STRN: variants seen among roughly 807,000 people sequenced by gnomAD.
STRN encodes protein phosphatase 2 regulatory subunit B'''alpha.
Under a neutral mutation model 96.3 loss-of-function variants are expected in STRN, and 53 were observed. The ratio of observed to expected loss-of-function variants is 0.55; its 90% CI spans 0.44 to 0.69. STRN has a LOEUF of 0.69. STRN is among the 30% of genes least tolerant of loss of function. The pLI is 0.00. For synonymous variants in STRN, 428 were observed against 355.9 expected (o/e 1.20, Z -2.28); for missense variants, 987 against 963.9 (o/e 1.02, Z -0.32).
chr2:36,936,720 TTA>T (rs1452091450), intron 1 of STRN, among the ~76,000 whole-genome samples: 2 of 152,204 alleles, frequency 1.3e-5, no homozygotes, highest in Admixed American at 6.5e-5. Context: ...AGAGAAAATC[TTA>T]TGAGTCAGCA....
Position 36,924,946 on chromosome 2 carries a change from C to T in STRN, c.338+159G>A, listed in dbSNP as rs180742251. Reference sequence around the variant, plus strand: ...TGGCACATGCCTATAATCCCAGCTACTGGGGAGGCTGAGGCAGGAGAATTG... The same window carrying T: ...TGGCACATGCCTATAATCCCAGCTATTGGGGAGGCTGAGGCAGGAGAATTG... On this transcript the variant is annotated intron_variant, in intron 2 of 17. Coordinates refer to ENST00000263918, the MANE Select transcript of STRN (RefSeq NM_003162.4). 3.3e-5 allele frequency among the ~76,000 whole-genome samples: 5 copies of T among 152,286 alleles called. No individual in the cohort carries two copies. In the East Asian group the frequency reaches 9.6e-4, roughly 29 times the overall value.
chr2:36,927,840 C>T (rs1670455116), intron 1 of STRN, among the ~76,000 whole-genome samples: 1 of 152,122 alleles, frequency 6.6e-6, no homozygotes. Flanking sequence ...TTTGTAAATG[C>T]ATATACCCTT....
chr2:36,853,421 G>T (rs1668268473), intron 15 of STRN, among the ~76,000 whole-genome samples: 1 of 152,202 alleles, frequency 6.6e-6, no homozygotes, highest in Non-Finnish European at 1.5e-5. Context: ...AGCCTCAATT[G>T]CTTTGAGAGC....
intron 1 of STRN, among the ~76,000 whole-genome samples, chr2:36,944,808 A>T (rs1025149272): frequency 6.6e-6 from 1 of 152,204 alleles, no homozygotes. Context: ...TATGGAAGAG[A>T]TGCTTAAATT....
chr2:36,877,026 G>A (rs1188213228), intron 10 of STRN, among the ~76,000 whole-genome samples: 1 of 152,062 alleles, frequency 6.6e-6, no homozygotes, highest in Non-Finnish European at 1.5e-5. Flanking sequence ...GGGATTACAG[G>A]GATGAGCCAC....
At position 36,936,976 on chromosome 2, in the gene STRN, A is replaced by G. The variant is rs558284315; in HGVS notation, c.235-11768T>C. Among the ~76,000 whole-genome samples the G allele has an allele frequency of 8.5e-5, 13 of 152,326 alleles. No homozygotes were observed. In the South Asian group the frequency reaches 2.7e-3, roughly 32 times the overall value. ...CATGATGGCAGAATTGTCCAGGTCA[A>G]TATAGTAAAATACTCTGACAAAGAC... On this transcript the variant is annotated intron_variant, in intron 1 of 17. Coordinates refer to ENST00000263918, the MANE Select transcript of STRN (RefSeq NM_003162.4).
chr2:36,854,181 CCTTT>C (rs1217484325), intron 15 of STRN, among the ~76,000 whole-genome samples: 9 of 152,086 alleles, frequency 5.9e-5, no homozygotes, highest in Admixed American at 2.0e-4. Flanking sequence ...ATGTTCTCAT[CCTTT>C]CTAATTTCAT....
At chr2:36,893,767 G>C in intron 7 of STRN, 131 bp downstream of exon 7, 1 of 1,055,812 alleles carries the variant, frequency 9.5e-7, no homozygotes, top group South Asian at 2.0e-5. Context: ...CTGGATAAAG[G>C]GTGCTAGTAG....
At chr2:36,895,778 G>T (rs1669525348) in intron 6 of STRN, among the ~76,000 whole-genome samples, 2 of 149,864 alleles carry the variant, frequency 1.3e-5, no homozygotes, top group South Asian at 4.2e-4. Context: ...AAAAAAATTA[G>T]CGAGGCATGG....
Position 36,842,476 on chromosome 2 carries a change from A to ACAG in STRN, c.*6979_*6980insCTG, listed in dbSNP as rs1241049796. 1 of 152,184 alleles carries ACAG rather than the reference A, an allele frequency of 6.6e-6. No individual in the cohort carries two copies. The highest frequency in any genetic ancestry group is 1.9e-4 in the East Asian group (1 of 5,196). The allele number at this position is 152,184 out of a possible 1,614,324, so 9.4% of individuals were successfully genotyped here. On this transcript the variant is annotated 3_prime_UTR_variant, in exon 18 of 18. Transcript: ENST00000263918. ...CCTAAAGAGGGACACAGAAAAAGTC[A>ACAG]ATGTGGAGCTGGCATCTGGACCACT...
At position 36,908,579 on chromosome 2, in the gene STRN, T is replaced by C. The variant is rs988536049; in HGVS notation, c.413-2961A>G. ...ACTAAAAAGGGTGACTTTTATGATA[T>C]GTAAATTATATCTTAATAAGAATCA... On this transcript the variant is annotated intron_variant, in intron 3 of 17. Transcript: ENST00000263918. Among the ~76,000 whole-genome samples the C allele has an allele frequency of 3.3e-5, 5 of 152,238 alleles. No individual in the cohort carries two copies. The South Asian group carries it at 8.3e-4, about 25-fold the overall frequency.
At chr2:36,888,045 G>C (rs1669285675) in intron 7 of STRN, among the ~76,000 whole-genome samples, 1 of 151,946 alleles carries the variant, frequency 6.6e-6, no homozygotes, top group Non-Finnish European at 1.5e-5. Flanking sequence ...CATCCAAAGG[G>C]TTCCCCACCT....
intron 8 of STRN, among the ~76,000 whole-genome samples, chr2:36,885,789 C>T (rs1390533285): frequency 6.6e-6 from 1 of 152,102 alleles, no homozygotes; most frequent in African/African-American, 2.4e-5. Flanking sequence ...CAGTCTTTCG[C>T]AACTTTAAAA....
intron 1 of STRN, among the ~76,000 whole-genome samples, chr2:36,926,121 GC>G (rs1453314378): frequency 6.6e-6 from 1 of 152,032 alleles, no homozygotes; most frequent in African/African-American, 2.4e-5. Context: ...GCCCATTCCT[GC>G]CCCCCACCCC....
chr2:36,882,474 T>C (rs1669097525), intron 9 of STRN, among the ~76,000 whole-genome samples: 2 of 152,080 alleles, frequency 1.3e-5, no homozygotes, highest in African/African-American at 2.4e-5. Flanking sequence ...AGTCTCAAAC[T>C]CCTGAACTGC....
At chr2:36,865,630 C>T (rs535917744) in intron 12 of STRN, among the ~76,000 whole-genome samples, 97 of 152,154 alleles carry the variant, frequency 6.4e-4, no homozygotes, top group African/African-American at 2.1e-3. Flanking sequence ...GGTGGCATAT[C>T]GGCTCACTGC....
At chr2:36,874,991 G>C (rs934123866) in intron 10 of STRN, among the ~76,000 whole-genome samples, 2 of 152,196 alleles carry the variant, frequency 1.3e-5, no homozygotes, top group South Asian at 2.1e-4. Context: ...ACTGAGTATA[G>C]AGTGTACAAA....
chr2:36,847,952 G>A lies in STRN; in HGVS notation c.*1504C>T, dbSNP rs570836548. Reference sequence around the variant, plus strand: ...TTATATGTTTTTTGGTGGAAAGTTGGACGTTAATAATTTATTTCCAATTTC... The same window carrying A: ...TTATATGTTTTTTGGTGGAAAGTTGAACGTTAATAATTTATTTCCAATTTC... On this transcript the variant is annotated 3_prime_UTR_variant, in exon 18 of 18. Transcript: ENST00000263918. 3 of 152,288 alleles carry A rather than the reference G, an allele frequency of 2.0e-5. No homozygotes were observed. The highest frequency in any genetic ancestry group is 2.1e-4 in the South Asian group (1 of 4,828). 9.4% of individuals were successfully genotyped at this position (152,288 alleles called of 1,614,324 possible). A position where few individuals can be genotyped will look rare whatever the true frequency, so the allele number is the denominator to read the frequency against.
At chr2:36,891,578 G>C (rs745705865) in intron 7 of STRN, among the ~76,000 whole-genome samples, 2 of 152,088 alleles carry the variant, frequency 1.3e-5, no homozygotes, top group African/African-American at 4.8e-5. Flanking sequence ...TAAGTAAGGC[G>C]GGGTTGAGTC....
Sources: allele counts gnomAD v4.1 joint callset (sites outside exome capture counted in the v4.1 genomes callset), GRCh38; gene constraint gnomAD v4.1.1; transcripts MANE v1.5; gene names NCBI Gene and HGNC (gene_info 2026-07-23, HGNC 2026-07-21).